Variants in B4GALT6 observed in about 807,000 individuals in gnomAD.
B4GALT6 encodes beta-1,4-galactosyltransferase 6.
Under a neutral mutation model 46.3 loss-of-function variants are expected in B4GALT6, and 14 were observed. That is an observed-to-expected ratio of 0.30 (90% CI 0.20 to 0.47). The LOEUF (loss-of-function observed/expected upper bound fraction) is 0.47, where lower values mean the gene tolerates loss of function less well. B4GALT6 is among the 20% of genes least tolerant of loss of function. The pLI is 0.99. For synonymous variants in B4GALT6, 168 were observed against 162.0 expected, an observed-to-expected ratio of 1.04 and a Z score of -0.28; for missense variants, 386 against 480.1, an observed-to-expected ratio of 0.80 and a Z score of 1.83.
At chr18:31,713,980 G>T in the B4GALT6 span, among the ~76,000 whole-genome samples, 1 of 152,150 alleles carries the variant, frequency 6.6e-6, no homozygotes, top group African/African-American at 2.4e-5. Context: ...AATCAGATTT[G>T]TTTGTTTTTC....
At chr18:31,661,347 T>C (rs2144663279) in intron 2 of B4GALT6, among the ~76,000 whole-genome samples, 1 of 152,228 alleles carries the variant, frequency 6.6e-6, no homozygotes, top group East Asian at 1.9e-4. Context: ...AAATACAGAA[T>C]AAATTGTTAG....
chr18:31,662,474 T>C (rs2074229639), intron 2 of B4GALT6, among the ~76,000 whole-genome samples: 1 of 152,242 alleles, frequency 6.6e-6, no homozygotes, highest in Non-Finnish European at 1.5e-5. Context: ...AGTAGGAACA[T>C]ACTATAAATA....
intron 2 of B4GALT6, among the ~76,000 whole-genome samples, chr18:31,660,479 C>T (rs2074199773): frequency 6.6e-6 from 1 of 151,538 alleles, no homozygotes; most frequent in Admixed American, 6.6e-5. Flanking sequence ...TGATTTACAC[C>T]TTAGAGTTAC....
intron 6 of B4GALT6, 148 bp from the exon 7 acceptor site, chr18:31,627,269 C>T (rs1801987433): frequency 5.2e-6 from 3 of 577,512 alleles, no homozygotes; most frequent in South Asian, 6.6e-5. Flanking sequence ...TACACCAAGA[C>T]ATAAAACATT....
upstream of B4GALT6, among the ~76,000 whole-genome samples, chr18:31,687,814 G>T (rs115826014): frequency 0.01 from 1,577 of 152,212 alleles, 30 homozygotes; most frequent in African/African-American, 0.036. Context: ...GTATTAATAA[G>T]AAGTATACAC....
intron 3 of B4GALT6, among the ~76,000 whole-genome samples, chr18:31,654,477 A>G (rs1014057580): frequency 3.3e-5 from 5 of 152,240 alleles, no homozygotes; most frequent in Non-Finnish European, 4.4e-5. Context: ...CATATAAAAT[A>G]TACATATTAA....
chr18:31,625,763 T>TA lies in B4GALT6; in HGVS notation c.1002-3dup, dbSNP rs150100199. Reference sequence around the variant, plus strand: ...TTGGAATACCTTAGTAATTTATACCTATAGTTTTAGAGGAAAAAACAAAAA... The same window carrying TA: ...TTGGAATACCTTAGTAATTTATACCTAATAGTTTTAGAGGAAAAAACAAAAA... On this transcript the variant is annotated splice_polypyrimidine_tract_variant and splice_region_variant and intron_variant, in intron 8 of 8. Coordinates refer to ENST00000306851, the MANE Select transcript of B4GALT6 (RefSeq NM_004775.5). The TA allele has an allele frequency of 6.6e-4, 1,039 of 1,574,708 alleles. 5 individuals are homozygous for TA. The African/African-American group carries it at 0.013, about 19-fold the overall frequency.
chr18:31,681,296 T>C (rs2074476999), intron 1 of B4GALT6, among the ~76,000 whole-genome samples: 1 of 152,246 alleles, frequency 6.6e-6, no homozygotes, highest in Admixed American at 6.5e-5. Flanking sequence ...GGAGAGAAAC[T>C]GCACTCATCT....
Position 31,625,621 on chromosome 18 carries a change from T to C in B4GALT6, c.1142A>G (p.Asp381Gly). 6.2e-7 allele frequency: 1 copy of C among 1,613,520 alleles called. No individual in the cohort carries two copies. Among genetic ancestry groups the C allele is most frequent in the East Asian group, 2.2e-5 (1 of 44,856 alleles). ...NLMPELAPIEDY is the reference protein window; with the variant it reads ...NLMPELAPIEGY The stretch of plus-strand genomic sequence containing the variant: ...CCACGACAGCCACTTCTTTTAATAG[T>C]CTTCGATTGGAGCTAACTCTGGCAT... The change falls in exon 9 of 9, where the codon GAC becomes GGC. Residue 381 changes from aspartate (D) to glycine (G), a missense_variant. This residue lies in a region of B4GALT6 where 323 missense variants were observed against 438.9 expected (regional missense o/e 0.74). Transcript: ENST00000306851.
chr18:31,678,217 T>C (rs1192022686), intron 1 of B4GALT6, among the ~76,000 whole-genome samples: 1 of 152,116 alleles, frequency 6.6e-6, no homozygotes, highest in African/African-American at 2.4e-5. Context: ...TCCAGGGTAA[T>C]CACAGCTTTA....
chr18:31,673,236 C>T (rs988515114), intron 1 of B4GALT6, among the ~76,000 whole-genome samples: 3 of 151,388 alleles, frequency 2.0e-5, no homozygotes, highest in South Asian at 2.1e-4. Context: ...TGGGTAGTAA[C>T]GGAAGTTAGG....
At chr18:31,704,587 C>T in the B4GALT6 span, among the ~76,000 whole-genome samples, 1 of 152,130 alleles carries the variant, frequency 6.6e-6, no homozygotes, top group Non-Finnish European at 1.5e-5. Flanking sequence ...AAATCTCTGA[C>T]AAACACTCAG....
chr18:31,685,066 C>T (rs1303738070), upstream of B4GALT6, among the ~76,000 whole-genome samples: 2 of 146,066 alleles, frequency 1.4e-5, no homozygotes, highest in African/African-American at 4.9e-5. Flanking sequence ...GGGCGCTCGC[C>T]TGCACCGAGC....
At chr18:31,724,091 G>A in the B4GALT6 span, 7 of 303,960 alleles carry the variant, frequency 2.3e-5, no homozygotes, top group Non-Finnish European at 3.9e-5. Flanking sequence ...CTGGATTGTG[G>A]GATAAGATTG....
At chr18:31,711,002 C>G in the B4GALT6 span, among the ~76,000 whole-genome samples, 3 of 152,182 alleles carry the variant, frequency 2.0e-5, no homozygotes, top group Non-Finnish European at 4.4e-5. Context: ...TACAGACTCC[C>G]TGGCTAGAAG....
chr18:31,706,305 T>G, the B4GALT6 span, among the ~76,000 whole-genome samples: 4 of 152,216 alleles, frequency 2.6e-5, no homozygotes, highest in Non-Finnish European at 5.9e-5. Context: ...TAGATGTATT[T>G]ATATTTATCA....
At chr18:31,672,841 C>T (rs1415013758) in intron 1 of B4GALT6, among the ~76,000 whole-genome samples, 1 of 152,166 alleles carries the variant, frequency 6.6e-6, no homozygotes, top group East Asian at 1.9e-4. Flanking sequence ...CAAGCTAGCC[C>T]TTGACCATCA....
intron 6 of B4GALT6, among the ~76,000 whole-genome samples, chr18:31,627,759 T>C (rs1318569140): frequency 6.6e-6 from 1 of 152,234 alleles, no homozygotes; most frequent in Non-Finnish European, 1.5e-5. Context: ...CTCCAAGGAA[T>C]GTGTCAAACG....
chr18:31,705,480 C>A, the B4GALT6 span, among the ~76,000 whole-genome samples: 1 of 152,148 alleles, frequency 6.6e-6, no homozygotes, highest in Admixed American at 6.5e-5. Context: ...CCTCCACCTC[C>A]TGGGTCCAAG....
Sources: allele counts gnomAD v4.1 joint callset (sites outside exome capture counted in the v4.1 genomes callset), GRCh38; gene constraint gnomAD v4.1.1; regional missense constraint gnomAD v4.1.1; transcripts MANE v1.5; gene names NCBI Gene and HGNC (gene_info 2026-07-23, HGNC 2026-07-21).